Variants in TNFRSF10D observed in about 807,000 individuals in gnomAD.
The protein encoded by TNFRSF10D is TNF receptor superfamily member 10d, also known as tumor necrosis factor receptor superfamily member 10D.
Under a neutral mutation model 42.1 loss-of-function variants are expected in TNFRSF10D, and 28 were observed. The observed-to-expected ratio is 0.66, with a 90% confidence interval of 0.49 to 0.91. The LOEUF is 0.91. TNFRSF10D is among the 40% of genes least tolerant of loss of function. TNFRSF10D has a pLI of 0.00. For synonymous variants in TNFRSF10D, 186 were observed against 189.4 expected (o/e 0.98, Z 0.15); for missense variants, 503 against 486.1 (o/e 1.03, Z -0.33).
chr8:23,155,279 A>G (rs1800260752), intron 1 of TNFRSF10D, among the ~76,000 whole-genome samples: 2 of 150,430 alleles, frequency 1.3e-5, no homozygotes, highest in South Asian at 4.2e-4. Flanking sequence ...TATGTTGCCC[A>G]GGCTAGAATG....
intron 2 of TNFRSF10D, among the ~76,000 whole-genome samples, chr8:23,153,144 A>T (rs113603636): frequency 6.6e-6 from 1 of 152,018 alleles, no homozygotes; most frequent in Non-Finnish European, 1.5e-5. Context: ...TCAATAAATG[A>T]TGTAGAGGAA....
chr8:23,136,335 A>AT lies in TNFRSF10D; in HGVS notation c.*1534_*1535insA, dbSNP rs1814327267. ...TATCTCTGAGATGAGTCAGATGCTTACAGAGGGGCCAAGCTCCTCAAACAG... is the reference window on the plus strand; with the variant it reads ...TATCTCTGAGATGAGTCAGATGCTTATCAGAGGGGCCAAGCTCCTCAAACAG... On this transcript the variant is annotated 3_prime_UTR_variant, in exon 9 of 9. Coordinates refer to ENST00000312584, the MANE Select transcript of TNFRSF10D (RefSeq NM_003840.5). 4.9e-6 allele frequency: 1 copy of AT among 205,462 alleles called. No individual in the cohort carries two copies. The highest frequency in any genetic ancestry group is 9.9e-6 in the Non-Finnish European group (1 of 101,136). 12.7% of individuals were successfully genotyped at this position (205,462 alleles called of 1,614,324 possible). A position where few individuals can be genotyped will look rare whatever the true frequency, so the allele number is the denominator to read the frequency against.
intron 2 of TNFRSF10D, among the ~76,000 whole-genome samples, chr8:23,151,132 A>T (rs542751852): frequency 5.3e-5 from 8 of 152,328 alleles, no homozygotes; most frequent in Non-Finnish European, 1.2e-4. Context: ...CCCAAACATC[A>T]AAGGCAAAGA....
In TNFRSF10D at chr8:23,137,927, G is replaced by A; in HGVS notation, c.1104C>T (p.Gly368=). The A allele has an allele frequency of 6.2e-7, 1 of 1,614,182 alleles. No homozygotes were observed. The highest frequency in any genetic ancestry group is 1.1e-5 in the South Asian group (1 of 91,078). The change falls in exon 9 of 9, where the codon GGC becomes GGT. Residue 368 remains glycine, a synonymous_variant. Coordinates refer to ENST00000312584, the MANE Select transcript of TNFRSF10D (RefSeq NM_003840.5). The part of the protein sequence containing the change: ...AKETIQDQLV[G]SEKLFYEEDE... ...CTTCTTCATAAAAGAGCTTTTCGGA[G>A]CCCACCAGTTGGTCCTGAATTGTTT...
At chr8:23,145,523 G>C (rs1025815172) in intron 5 of TNFRSF10D, 145 bp downstream of exon 5, 3 of 1,238,844 alleles carry the variant, frequency 2.4e-6, no homozygotes, top group Non-Finnish European at 3.4e-6. Flanking sequence ...AGGACGTGGG[G>C]ATGGGGCGAT....
At chr8:23,146,446 C>T (rs58711657) in intron 4 of TNFRSF10D, among the ~76,000 whole-genome samples, 5,032 of 152,102 alleles carry the variant, frequency 0.033, 207 homozygotes, top group African/African-American at 0.11. Flanking sequence ...GTGAGGCCGG[C>T]TGGGTGGGCT....
At position 23,136,949 on chromosome 8, in the gene TNFRSF10D, G is replaced by A. The variant is rs1814341136; in HGVS notation, c.*921C>T. On this transcript the variant is annotated 3_prime_UTR_variant, in exon 9 of 9. Transcript: ENST00000312584. ...ATGCAGTAAGTGCCTCCCACAGAGG[G>A]AGGATTTCTCCCTCCGTCACTAGTT... is the stretch of plus-strand genomic sequence containing the variant. 1 of 152,200 alleles carries A rather than the reference G, an allele frequency of 6.6e-6. No individual in the cohort carries two copies. Among genetic ancestry groups the A allele is most frequent in the South Asian group, 2.1e-4 (1 of 4,824 alleles). 9.4% of individuals were successfully genotyped at this position (152,200 alleles called of 1,614,324 possible).
chr8:23,156,998 A>AT (rs1203037922), intron 1 of TNFRSF10D, among the ~76,000 whole-genome samples: 1 of 152,002 alleles, frequency 6.6e-6, no homozygotes, highest in African/African-American at 2.4e-5. Flanking sequence ...AATTTCACAT[A>AT]TTTTTCTTTT....
At chr8:23,163,696 C>T (rs1183340096) in intron 1 of TNFRSF10D, 90 bp downstream of exon 1, 2 of 1,528,138 alleles carry the variant, frequency 1.3e-6, no homozygotes, top group Admixed American at 2.3e-5. Flanking sequence ...CGACCCGGGC[C>T]AAGCATCCCC....
chr8:23,138,202 G>A lies in TNFRSF10D; in HGVS notation c.1013C>T (p.Ala338Val), dbSNP rs758578277. The change falls in exon 8 of 9, where the codon GCT (alanine) becomes GTT (valine). Residue 338 changes from alanine to valine, a missense_variant. By Grantham distance (64) the Ala-to-Val change is moderately conservative (BLOSUM62 0). Coordinates refer to ENST00000312584, the MANE Select transcript of TNFRSF10D (RefSeq NM_003840.5). ...RRRLLVPVND[A>V]DSADISTLLD... is the part of the protein sequence containing the mutation. ...AAAACACTTACTGTCAGCGGAGTCA[G>A]CGTCATTCACTGGAACCAGCAGCCT... The A allele has an allele frequency of 6.2e-7, 1 of 1,614,212 alleles. No individual in the cohort carries two copies. The highest frequency in any genetic ancestry group is 8.5e-7 in the Non-Finnish European group (1 of 1,180,044).
chr8:23,148,006 A>G (rs1477367257), intron 3 of TNFRSF10D, among the ~76,000 whole-genome samples: 1 of 144,950 alleles, frequency 6.9e-6, no homozygotes, highest in East Asian at 2.1e-4. Context: ...CGGAGCTTGC[A>G]GTGAGCCGAG....
chr8:23,161,119 GGTTC>G (rs1470161899), intron 1 of TNFRSF10D, among the ~76,000 whole-genome samples: 513 of 151,476 alleles, frequency 3.4e-3, no homozygotes, highest in African/African-American at 0.011. Flanking sequence ...CTGAGGATGT[GGTTC>G]ATCCTCCCAC....
At chr8:23,140,076 T>C (rs1329771409) in intron 7 of TNFRSF10D, among the ~76,000 whole-genome samples, 1 of 152,110 alleles carries the variant, frequency 6.6e-6, no homozygotes. Context: ...GATCACAAGG[T>C]CAGGAGATCG....
chr8:23,153,603 C>A (rs973702377), intron 2 of TNFRSF10D, among the ~76,000 whole-genome samples: 1 of 151,728 alleles, frequency 6.6e-6, no homozygotes, highest in African/African-American at 2.4e-5. Flanking sequence ...TAGAAGTGGC[C>A]GACAGGTATA....
In TNFRSF10D at chr8:23,137,892, C is replaced by T. The variant is rs768663219; in HGVS notation, c.1139G>A (p.Gly380Asp). ...CTTTCACAGGCAGGACGTAGCAGAG[C>T]CTGCCTCATCTTCTTCATAAAAGAG... ...EKLFYEEDEA[G>D]SATSCL Residue 380 changes from glycine (G) to aspartate (D), a missense_variant, in exon 9 of 9, where the codon GGC becomes GAC. Coordinates refer to ENST00000312584, the MANE Select transcript of TNFRSF10D (RefSeq NM_003840.5). 6.2e-7 allele frequency: 1 copy of T among 1,613,976 alleles called. No individual in the cohort carries two copies. Among genetic ancestry groups the T allele is most frequent in the Non-Finnish European group, 8.5e-7 (1 of 1,179,954 alleles).
At chr8:23,141,232 T>C (rs566827602) in intron 7 of TNFRSF10D, among the ~76,000 whole-genome samples, 869 of 151,972 alleles carry the variant, frequency 5.7e-3, no homozygotes, top group African/African-American at 0.018. Context: ...AGGCCGGGTG[T>C]GGGGGCTCAC....
rs570651530 is a variant in TNFRSF10D at position 23,135,673 on chromosome 8, G to A, written c.*2197C>T. ...CCAGGTGTTATGTGCTATTTGGCCCGGGTATAAAGCAAAACCTAAACAAAT... is the reference window on the plus strand; with the variant it reads ...CCAGGTGTTATGTGCTATTTGGCCCAGGTATAAAGCAAAACCTAAACAAAT... On this transcript the variant is annotated 3_prime_UTR_variant, in exon 9 of 9. Transcript: ENST00000312584. 8.1e-5 allele frequency: 22 copies of A among 272,662 alleles called. No homozygotes were observed. Among genetic ancestry groups the A allele is most frequent in the Admixed American group, 3.8e-4 (9 of 23,400 alleles). 16.9% of individuals were successfully genotyped at this position (272,662 alleles called of 1,614,324 possible).
rs769776322 is a variant in TNFRSF10D, at chr8:23,147,117, G to A, written c.371-45C>T. On this transcript the variant is annotated intron_variant, in intron 3 of 8. Coordinates refer to ENST00000312584, the MANE Select transcript of TNFRSF10D (RefSeq NM_003840.5). ...TTTTGAGAATGTGTTTCCCTGACAT[G>A]TCTGTCCACCCTTCCTCACCACCCC... 3.3e-6 allele frequency: 5 copies of A among 1,520,402 alleles called. No individual in the cohort carries two copies. The South Asian group carries it at 4.5e-5, about 14-fold the overall frequency. 94.2% of individuals were successfully genotyped at this position (1,520,402 alleles called of 1,614,324 possible).
Position 23,137,948 on chromosome 8 carries a change from T to C in TNFRSF10D, c.1083A>G (p.Thr361=). 6.2e-7 allele frequency: 1 copy of C among 1,614,234 alleles called. No individual in the cohort carries two copies. The highest frequency in any genetic ancestry group is 1.7e-5 in the Admixed American group (1 of 60,026). Residue 361 remains threonine (T), a synonymous_variant, in exon 9 of 9, where the codon ACA becomes ACG. Coordinates refer to ENST00000312584, the MANE Select transcript of TNFRSF10D (RefSeq NM_003840.5). ...CGGAGCCCACCAGTTGGTCCTGAAT[T>C]GTTTCCTTTGCATGTCCTTCTTCCA... is the stretch of plus-strand genomic sequence containing the variant. ...ATLEEGHAKE[T]IQDQLVGSEK... is the part of the protein sequence containing the mutation.
Sources: gnomAD v4.1 joint callset for allele counts (sites outside exome capture counted in the v4.1 genomes callset) on GRCh38, gnomAD v4.1.1 for gene constraint, MANE v1.5 for transcripts, NCBI Gene and HGNC (gene_info 2026-07-23, HGNC 2026-07-21) for gene names.